The following NREP variants were observed in gnomAD, a reference collection of about 807,000 sequenced individuals.
The protein encoded by NREP is neuronal regeneration related protein.
In NREP, 5 loss-of-function variants were observed where a neutral mutation model predicts 8.6. The ratio of observed to expected loss-of-function variants is 0.58; its 90% confidence interval spans 0.30 to 1.22. The LOEUF (loss-of-function observed/expected upper bound fraction) is 1.22. Among genes scored for constraint, NREP ranks in the 50% most tolerant of loss-of-function variants. The pLI is 0.07. For missense variants in NREP, 86 were observed against 82.5 expected (o/e 1.04, Z -0.17); for synonymous variants, 27 against 28.0 (o/e 0.96, Z 0.11).
chr5:111,859,043 G>A (rs1003751892), intron 2 of NREP, among the ~76,000 whole-genome samples: 12 of 152,020 alleles, frequency 7.9e-5, no homozygotes, highest in African/African-American at 2.9e-4. Flanking sequence ...ACTGCACAGG[G>A]GTAGATCCTG....
chr5:111,880,635 C>T lies in NREP; in HGVS notation c.135+94639G>A, dbSNP rs568558285. Among the ~76,000 whole-genome samples, 11 of 151,526 alleles carry T rather than the reference C, an allele frequency of 7.3e-5. No individual in the cohort carries two copies. The South Asian group carries it at 1.0e-3, about 14-fold the overall frequency. On this transcript the variant is annotated intron_variant, in intron 2 of 3. Coordinates refer to the NREP transcript ENST00000395634. ...TAAATCCTTTAAGACCATCTCTAAT[C>T]GTGGACACATTCTAAGGTACTAGGG...
chr5:111,933,898 G>T (rs1755611204), intron 2 of NREP, among the ~76,000 whole-genome samples: 1 of 152,122 alleles, frequency 6.6e-6, no homozygotes, highest in African/African-American at 2.4e-5. Flanking sequence ...CAAAATGCAG[G>T]TTCAGTTGCT....
At chr5:111,936,325 G>C (rs1185921969) in intron 2 of NREP, among the ~76,000 whole-genome samples, 1 of 152,008 alleles carries the variant, frequency 6.6e-6, no homozygotes, top group African/African-American at 2.4e-5. Context: ...ATAAGTGTGT[G>C]ACAGTTCCTC....
intron 2 of NREP, among the ~76,000 whole-genome samples, chr5:111,866,194 T>C (rs1301674812): frequency 1.3e-5 from 2 of 152,014 alleles, no homozygotes; most frequent in East Asian, 1.9e-4. Context: ...CAAAAGAAAC[T>C]ACCATCAGAG....
intron 2 of NREP, among the ~76,000 whole-genome samples, chr5:111,825,593 C>T (rs73223701): frequency 0.046 from 7,019 of 152,252 alleles, 560 homozygotes; most frequent in African/African-American, 0.16. Flanking sequence ...GCTCACAAAT[C>T]TCCTGGAATG....
At chr5:111,957,665 T>C (rs975633058) in intron 2 of NREP, among the ~76,000 whole-genome samples, 1 of 151,818 alleles carries the variant, frequency 6.6e-6, no homozygotes, top group Non-Finnish European at 1.5e-5. Flanking sequence ...AACTAAAATA[T>C]GAGCTAAGCA....
chr5:111,881,757 T>G (rs2112515786), intron 2 of NREP, among the ~76,000 whole-genome samples: 1 of 152,256 alleles, frequency 6.6e-6, no homozygotes, highest in African/African-American at 2.4e-5. Flanking sequence ...CCAACAGACC[T>G]GCAGCTGAGG....
intron 2 of NREP, among the ~76,000 whole-genome samples, chr5:111,781,339 C>T (rs775936531): frequency 1.4e-4 from 22 of 152,138 alleles, no homozygotes; most frequent in Admixed American, 4.6e-4. Flanking sequence ...GCCACCCCTA[C>T]GTGAGGAAGT....
At chr5:111,937,803 G>A (rs750036877) in intron 2 of NREP, among the ~76,000 whole-genome samples, 19 of 151,946 alleles carry the variant, frequency 1.3e-4, no homozygotes, top group Non-Finnish European at 2.6e-4. Context: ...ATTTGAGTGG[G>A]CAGCAGCCTG....
intron 2 of NREP, among the ~76,000 whole-genome samples, chr5:111,946,019 C>A (rs911408048): frequency 6.6e-6 from 1 of 151,412 alleles, no homozygotes; most frequent in Non-Finnish European, 1.5e-5. Flanking sequence ...GTGAGCCCTA[C>A]CTGACACAAA....
Position 111,730,540 on chromosome 5 carries a change from G to GGA in NREP, c.*380_*381insTC, listed in dbSNP as rs148331915. On this transcript the variant is annotated 3_prime_UTR_variant, in exon 4 of 4. Transcript: ENST00000257435. ...GTTACATCTAAATGAAAAAAAAGGT[G>GGA]GGGGGGGGACTCTCAGCCTCTGCAA... 8.4e-4 allele frequency: 41 copies of GGA among 48,618 alleles called. No homozygotes were observed. The East Asian group carries it at 0.021, about 25-fold the overall frequency. 3.0% of individuals were successfully genotyped at this position (48,618 alleles called of 1,614,324 possible).
At chr5:111,956,487 A>T (rs1405763578) in intron 2 of NREP, among the ~76,000 whole-genome samples, 2 of 152,144 alleles carry the variant, frequency 1.3e-5, no homozygotes, top group African/African-American at 4.8e-5. Context: ...AAAAATTTCC[A>T]AAATGAAAGA....
In NREP at chr5:111,747,976, T is replaced by C. The variant is rs1750112231; in HGVS notation, c.3+7794A>G. Among the ~76,000 whole-genome samples, 3 of 152,158 alleles carry C rather than the reference T, an allele frequency of 2.0e-5. 1 individual carries two copies. In the South Asian group the frequency reaches 6.2e-4, roughly 32 times the overall value. On this transcript the variant is annotated intron_variant, in intron 2 of 3. Coordinates refer to ENST00000257435, the MANE Select transcript of NREP (RefSeq NM_004772.4). Reference sequence around the variant, plus strand: ...AAACCAGGGCAGATTTGGTCTACTGTCATGACTGCCTCAGTCAGACTATTG... The same window carrying C: ...AAACCAGGGCAGATTTGGTCTACTGCCATGACTGCCTCAGTCAGACTATTG...
chr5:111,773,643 C>G (rs2112875456), intron 2 of NREP, among the ~76,000 whole-genome samples: 1 of 152,246 alleles, frequency 6.6e-6, no homozygotes, highest in Non-Finnish European at 1.5e-5. Context: ...GCAAAAATGT[C>G]TCTATATTAT....
At chr5:111,876,505 A>G (rs922594185) in intron 2 of NREP, among the ~76,000 whole-genome samples, 7 of 152,178 alleles carry the variant, frequency 4.6e-5, no homozygotes, top group African/African-American at 7.2e-5. Context: ...CTGGTCTCCA[A>G]TGAAACACAG....
At chr5:111,903,161 G>A (rs2017552) in intron 2 of NREP, among the ~76,000 whole-genome samples, 60,078 of 144,138 alleles carry the variant, frequency 0.42, 14,236 homozygotes, top group Non-Finnish European at 0.54. Flanking sequence ...TTGGCTCACT[G>A]CAACCTCCAC....
chr5:111,809,516 C>T (rs1022345605), intron 2 of NREP, among the ~76,000 whole-genome samples: 11 of 152,166 alleles, frequency 7.2e-5, no homozygotes, highest in Non-Finnish European at 1.0e-4. Flanking sequence ...TGAGAGAGTT[C>T]TCTCTCAGGT....
At chr5:111,766,878 A>G (rs1245631060) in intron 2 of NREP, among the ~76,000 whole-genome samples, 1 of 152,242 alleles carries the variant, frequency 6.6e-6, no homozygotes, top group African/African-American at 2.4e-5. Context: ...CATAAATCAT[A>G]TGGGTGGTAG....
chr5:111,858,204 AACCAGCCTCC>A (rs1753467546), intron 2 of NREP, among the ~76,000 whole-genome samples: 1 of 152,146 alleles, frequency 6.6e-6, no homozygotes, highest in African/African-American at 2.4e-5. Context: ...TTGGTGTTTT[AACCAGCCTCC>A]CAGGTGATTC....
Sources: gnomAD v4.1 joint callset for allele counts (sites outside exome capture counted in the v4.1 genomes callset) on GRCh38, gnomAD v4.1.1 for gene constraint, MANE v1.5 for transcripts, NCBI Gene and HGNC (gene_info 2026-07-23, HGNC 2026-07-21) for gene names.